The following SLIT1 variants were observed in gnomAD, a reference collection of about 807,000 sequenced individuals.
SLIT1 encodes the protein slit homolog 1 protein.
In SLIT1, 66 loss-of-function variants were observed where a neutral mutation model predicts 186.1. The ratio of observed to expected loss-of-function variants is 0.35; its 90% confidence interval spans 0.29 to 0.44. SLIT1 has a LOEUF of 0.44. Ranked by LOEUF, SLIT1 falls within the 20% of genes least tolerant of loss-of-function variation. The pLI is 1.00. For missense variants in SLIT1, 1,638 were observed against 2,037.4 expected (o/e 0.80, Z 3.77); for synonymous variants, 761 against 833.8 (o/e 0.91, Z 1.50).
At chr10:97,090,203 G>A (rs969134601) in intron 4 of SLIT1, among the ~76,000 whole-genome samples, 2 of 152,190 alleles carry the variant, frequency 1.3e-5, no homozygotes, top group South Asian at 2.1e-4. Context: ...GAGGAGTGCC[G>A]TGAAGGAAAC....
At chr10:97,103,999 T>C (rs1398399961) in intron 4 of SLIT1, among the ~76,000 whole-genome samples, 2 of 152,178 alleles carry the variant, frequency 1.3e-5, no homozygotes, top group Non-Finnish European at 1.5e-5. Context: ...GGTGGCCTTG[T>C]TCCTGCGGCG....
At chr10:97,163,478 C>G (rs1850060004) in intron 2 of SLIT1, 27 bp from the exon 3 acceptor site, 1 of 1,607,770 alleles carries the variant, frequency 6.2e-7, no homozygotes, top group Non-Finnish European at 8.5e-7. Flanking sequence ...ACAAGGACAG[C>G]TACAGGGTGT....
Position 97,043,006 on chromosome 10 carries a change from G to A in SLIT1, c.2059C>T (p.Arg687Trp), listed in dbSNP as rs138858154. Reference protein sequence around the residue: ...CQLAWLGGWLRKRKIVTGNPR... With the variant: ...CQLAWLGGWLWKRKIVTGNPR... ...TTCCCCGTCACGATCTTGCGCTTCC[G>A]TAGCCAGCCTCCTAGCCAGGCCAGC... is the stretch of plus-strand genomic sequence containing the variant. The change falls in exon 20 of 37, where the codon CGG becomes TGG. Residue 687 changes from arginine to tryptophan, a missense_variant. By Grantham distance (101) the Arg-to-Trp change is moderately radical. Around this residue, in one of 3 missense-constraint regions of SLIT1, gnomAD observed 1,245 missense variants for 1,535.3 expected, o/e 0.81. Transcript: ENST00000266058. The surrounding 1 kb of genome is among the most constrained non-coding windows in gnomAD (Gnocchi z 7.0). The A allele has an allele frequency of 1.8e-4, 297 of 1,614,238 alleles. No homozygotes were observed. Among genetic ancestry groups the A allele is most frequent in the Middle Eastern group, 6.6e-4 (4 of 6,062 alleles).
chr10:97,085,077 C>A, intron 4 of SLIT1, among the ~76,000 whole-genome samples: 1 of 152,062 alleles, frequency 6.6e-6, no homozygotes. Flanking sequence ...GCACCTGCTA[C>A]CACACCCGGC....
intron 1 of SLIT1, 52 bp downstream of exon 1, chr10:97,185,426 G>A: frequency 6.4e-7 from 1 of 1,567,608 alleles, no homozygotes; most frequent in Non-Finnish European, 8.7e-7. Context: ...ATTGCGTCTG[G>A]GTGGGAGGGC....
At chr10:97,046,087 A>C (rs1848730909) in intron 18 of SLIT1, among the ~76,000 whole-genome samples, 1 of 152,202 alleles carries the variant, frequency 6.6e-6, no homozygotes, top group Non-Finnish European at 1.5e-5. Context: ...TCTATGGGAC[A>C]CGATACACAC....
intron 14 of SLIT1, 82 bp downstream of exon 14, chr10:97,048,873 A>T: frequency 1.7e-6 from 1 of 597,662 alleles, no homozygotes; most frequent in Non-Finnish European, 2.5e-6. Context: ...GTGGGCAGGT[A>T]TGCAGGTGGA....
chr10:97,146,887 G>C (rs1307018870), intron 4 of SLIT1, among the ~76,000 whole-genome samples: 1 of 152,124 alleles, frequency 6.6e-6, no homozygotes, highest in Admixed American at 6.5e-5. Flanking sequence ...AACGACTCCT[G>C]CCTGAGCCTC....
intron 4 of SLIT1, among the ~76,000 whole-genome samples, chr10:97,133,212 A>T (rs904176417): frequency 2.6e-5 from 4 of 152,242 alleles, no homozygotes; most frequent in African/African-American, 9.6e-5. Context: ...TACAACAGGG[A>T]TGAGCCTTGA....
At position 97,166,530 on chromosome 10, in the gene SLIT1, A is replaced by AGAAGGAAGGAAGGAAGGAAGGAAG. The variant is rs1241751831; in HGVS notation, c.198-1664_198-1641dup. 8.0e-3 allele frequency among the ~76,000 whole-genome samples: 398 copies of AGAAGGAAGGAAGGAAGGAAGGAAG among 49,654 alleles called. 8 individuals carry two copies. The highest frequency in any genetic ancestry group is 0.013 in the Non-Finnish European group (305 of 22,892). The allele number at this position is 49,654 out of a possible 152,430, so 32.6% of individuals were successfully genotyped here. ...AAACTCTGTCTCCAAAAAAAAAGAA[A>AGAAGGAAGGAAGGAAGGAAGGAAG]GAAGGAAGGAAGGAAGGAAGGAAGG... On this transcript the variant is annotated intron_variant, in intron 1 of 36. Transcript: ENST00000266058.
At chr10:97,175,692 C>G (rs565954851) in intron 1 of SLIT1, among the ~76,000 whole-genome samples, 2 of 152,272 alleles carry the variant, frequency 1.3e-5, no homozygotes, top group African/African-American at 4.8e-5. Context: ...TGCCAATCCC[C>G]TTCCCAGGTC....
At chr10:97,149,425 G>A (rs1048872577) in intron 4 of SLIT1, among the ~76,000 whole-genome samples, 2 of 152,136 alleles carry the variant, frequency 1.3e-5, no homozygotes, top group Non-Finnish European at 2.9e-5. Context: ...GTCTGCGCTT[G>A]GGGCCTTCCC....
At chr10:97,124,687 C>T (rs1849589067) in intron 4 of SLIT1, among the ~76,000 whole-genome samples, 1 of 152,156 alleles carries the variant, frequency 6.6e-6, no homozygotes, top group South Asian at 2.1e-4. Context: ...CTTGGGAATA[C>T]ACAGAATGGG....
chr10:97,158,218 C>T (rs1370132792), intron 3 of SLIT1, among the ~76,000 whole-genome samples: 1 of 152,176 alleles, frequency 6.6e-6, no homozygotes, highest in Non-Finnish European at 1.5e-5. Flanking sequence ...GGCACTGATT[C>T]CAATGCTGTT....
intron 4 of SLIT1, among the ~76,000 whole-genome samples, chr10:97,113,126 C>A (rs1849479524): frequency 6.6e-6 from 1 of 152,230 alleles, no homozygotes; most frequent in Non-Finnish European, 1.5e-5. Flanking sequence ...TTTTTCTAAT[C>A]ATCTACAAAG....
At chr10:97,067,082 C>T (rs952606756) in intron 4 of SLIT1, among the ~76,000 whole-genome samples, 2 of 152,224 alleles carry the variant, frequency 1.3e-5, no homozygotes, top group African/African-American at 4.8e-5. Context: ...CCAGGCAGGG[C>T]CTGACTCCAA....
At chr10:97,046,968 C>A in intron 17 of SLIT1, 23 bp downstream of exon 17, 12 of 1,594,386 alleles carry the variant, frequency 7.5e-6, no homozygotes, top group Non-Finnish European at 1.0e-5. Context: ...CAACAGACAC[C>A]TTCTCGCCAA....
At chr10:97,121,923 T>C (rs1043074080) in intron 4 of SLIT1, among the ~76,000 whole-genome samples, 3 of 152,228 alleles carry the variant, frequency 2.0e-5, no homozygotes, top group Non-Finnish European at 4.4e-5. Context: ...TATTCCTGGA[T>C]TATCTCATTT....
intron 1 of SLIT1, among the ~76,000 whole-genome samples, chr10:97,181,891 C>T (rs1850343700): frequency 1.3e-5 from 2 of 152,168 alleles, no homozygotes; most frequent in Non-Finnish European, 2.9e-5. Context: ...ATACTGCACT[C>T]TCCTGTCACA....
Sources: gnomAD v4.1 joint callset for allele counts (sites outside exome capture counted in the v4.1 genomes callset) on GRCh38, gnomAD v4.1.1 for gene constraint, gnomAD v4.1.1 regional missense constraint, Gnocchi (gnomAD v3.1) non-coding constraint, MANE v1.5 for transcripts, NCBI Gene and HGNC (gene_info 2026-07-23, HGNC 2026-07-21) for gene names.